The following NCAPD3 variants were observed in gnomAD, a reference collection of about 807,000 sequenced individuals.
NCAPD3 encodes the protein non-SMC condensin II complex subunit D3, also known as condensin-2 complex subunit D3.
A neutral mutation model predicts 182.9 loss-of-function variants in NCAPD3; 105 were observed. That is an observed-to-expected ratio of 0.57 (90% CI 0.49 to 0.68). The LOEUF (loss-of-function observed/expected upper bound fraction) is 0.68, where lower values mean the gene tolerates loss of function less well. Among genes scored for constraint, NCAPD3 ranks in the 30% least tolerant of loss-of-function variants. The pLI, the probability that NCAPD3 is intolerant of heterozygous loss-of-function variation, is 0.00. For missense variants in NCAPD3, 1,944 were observed against 1,837.0 expected, an observed-to-expected ratio of 1.06 and a Z score of -1.07; for synonymous variants, 815 against 679.9, an observed-to-expected ratio of 1.20 and a Z score of -3.09.
At position 134,210,459 on chromosome 11, in the gene NCAPD3, T is replaced by G; in HGVS notation, c.383-5A>C. The G allele has an allele frequency of 6.2e-7, 1 of 1,611,610 alleles. No individual in the cohort carries two copies. ...ATACTTGATTGGCTACACTGCCTAT[T>G]CATGAGGAATAAAGAGTAAGCAAGT... On this transcript the variant is annotated splice_polypyrimidine_tract_variant and splice_region_variant and intron_variant, in intron 3 of 34. Transcript: ENST00000534548.
intron 27 of NCAPD3, among the ~76,000 whole-genome samples, chr11:134,167,594 G>C (rs1005205155): frequency 8.5e-6 from 1 of 117,444 alleles, no homozygotes; most frequent in African/African-American, 3.6e-5. Flanking sequence ...TGGGGGAGGG[G>C]CACACTCACT....
At chr11:134,188,349 T>C (rs1034556658) in intron 16 of NCAPD3, among the ~76,000 whole-genome samples, 8 of 152,142 alleles carry the variant, frequency 5.3e-5, no homozygotes, top group African/African-American at 1.9e-4. Flanking sequence ...CTCTGTAAAA[T>C]GGACCAATTA....
chr11:134,217,888 C>T (rs1002341814), intron 2 of NCAPD3, among the ~76,000 whole-genome samples: 3 of 152,066 alleles, frequency 2.0e-5, no homozygotes, highest in African/African-American at 7.2e-5. Context: ...TGCTTGAGCC[C>T]AGGAGTTTGA....
chr11:134,160,225 C>G (rs1368109910), intron 28 of NCAPD3, 151 bp from the exon 29 acceptor site: 4 of 710,896 alleles, frequency 5.6e-6, no homozygotes, highest in Non-Finnish European at 9.0e-6. Context: ...AAGAAAAAAG[C>G]CCCCCAAGTC....
At chr11:134,157,841 A>G (rs763733277) in intron 31 of NCAPD3, 87 bp downstream of exon 31, 22 of 1,373,400 alleles carry the variant, frequency 1.6e-5, no homozygotes, top group East Asian at 2.3e-5. Context: ...AAGAAAACAC[A>G]CCGCTTTGAA....
At chr11:134,210,981 G>A (rs1937813019) in intron 3 of NCAPD3, among the ~76,000 whole-genome samples, 1 of 152,334 alleles carries the variant, frequency 6.6e-6, no homozygotes, top group East Asian at 1.9e-4. Context: ...AATCGGCCCA[G>A]GGCTGAACAT....
intron 13 of NCAPD3, among the ~76,000 whole-genome samples, chr11:134,199,463 T>G (rs1399889092): frequency 6.6e-6 from 1 of 152,182 alleles, no homozygotes; most frequent in Non-Finnish European, 1.5e-5. Context: ...ATTTTCTGAT[T>G]TTGCAATAAT....
intron 3 of NCAPD3, among the ~76,000 whole-genome samples, chr11:134,211,802 T>C (rs1478562162): frequency 6.6e-6 from 1 of 151,724 alleles, no homozygotes; most frequent in Non-Finnish European, 1.5e-5. Context: ...CAAAGATAAG[T>C]GAACTTGAAG....
chr11:134,186,574 T>A (rs1308921406), intron 16 of NCAPD3, among the ~76,000 whole-genome samples: 1 of 152,232 alleles, frequency 6.6e-6, no homozygotes, highest in Non-Finnish European at 1.5e-5. Flanking sequence ...AATGGGATCA[T>A]ATGATTCATG....
rs139966483 is a variant in NCAPD3 at position 134,176,457 on chromosome 11, C to T, written c.3022-71G>A. The T allele has an allele frequency of 1.6e-3, 2,088 of 1,307,874 alleles. 5 individuals are homozygous for T. The highest frequency in any genetic ancestry group is 2.2e-3 in the Non-Finnish European group (1,950 of 902,752). 81.0% of individuals were successfully genotyped at this position (1,307,874 alleles called of 1,614,324 possible). A position where few individuals can be genotyped will look rare whatever the true frequency, so the allele number is the denominator to read the frequency against. ...CAAGCCTCACTGTTCCCAGCCACAC[C>T]CCACCCACCACGCGGTCTGTCCCCG... On this transcript the variant is annotated intron_variant, in intron 23 of 34. Transcript: ENST00000534548.
chr11:134,219,295 C>CTTGGATTTGTTTTT (rs1938139854), intron 2 of NCAPD3, among the ~76,000 whole-genome samples: 1 of 152,140 alleles, frequency 6.6e-6, no homozygotes, highest in Non-Finnish European at 1.5e-5. Context: ...AAATCCGCAC[C>CTTGGATTTGTTTTT]TCTCTTGGAG....
At chr11:134,188,770 C>T (rs190815747) in intron 16 of NCAPD3, among the ~76,000 whole-genome samples, 177 of 152,262 alleles carry the variant, frequency 1.2e-3, no homozygotes, top group African/African-American at 3.8e-3. Flanking sequence ...ACATGCATCG[C>T]GAAGGTCTGC....
intron 24 of NCAPD3, among the ~76,000 whole-genome samples, chr11:134,172,114 T>C (rs1354546448): frequency 2.0e-5 from 3 of 152,126 alleles, no homozygotes; most frequent in Non-Finnish European, 4.4e-5. Context: ...GCGGAGAGTG[T>C]GGGCTGGCTG....
intron 16 of NCAPD3, among the ~76,000 whole-genome samples, chr11:134,191,630 A>C (rs564544597): frequency 6.6e-6 from 1 of 152,366 alleles, no homozygotes; most frequent in Admixed American, 6.5e-5. Flanking sequence ...GAATTAATAC[A>C]TAGAGCATGC....
At chr11:134,218,938 T>A (rs950798158) in intron 2 of NCAPD3, among the ~76,000 whole-genome samples, 1 of 152,200 alleles carries the variant, frequency 6.6e-6, no homozygotes, top group Non-Finnish European at 1.5e-5. Context: ...TATTGCCCAC[T>A]GTAACCTCTT....
intron 20 of NCAPD3, among the ~76,000 whole-genome samples, chr11:134,180,013 T>A (rs1295671976): frequency 1.3e-5 from 2 of 151,202 alleles, no homozygotes; most frequent in Non-Finnish European, 2.9e-5. Flanking sequence ...ATGACACGGT[T>A]AACAGTTGAA....
At chr11:134,221,407 G>C (rs1474576177) in intron 1 of NCAPD3, among the ~76,000 whole-genome samples, 2 of 150,642 alleles carry the variant, frequency 1.3e-5, no homozygotes, top group Non-Finnish European at 3.0e-5. Flanking sequence ...AAAGTTTTTG[G>C]GTACATGTGC....
rs76742192 is a variant in NCAPD3 at position 134,184,400 on chromosome 11, G to T, written c.2451+237C>A. Among the ~76,000 whole-genome samples the T allele has an allele frequency of 6.1e-3, 930 of 152,322 alleles. 7 individuals carry two copies. The highest frequency in any genetic ancestry group is 0.01 in the Non-Finnish European group (688 of 68,020). On this transcript the variant is annotated intron_variant, in intron 19 of 34. Transcript: ENST00000534548. The stretch of plus-strand genomic sequence containing the variant: ...CAGGAATGCTTACCTAAAGACACTC[G>T]CACCTGCGATCAAGGTGGTGACCAT...
intron 24 of NCAPD3, among the ~76,000 whole-genome samples, chr11:134,171,269 C>T (rs1184080600): frequency 5.3e-5 from 8 of 152,116 alleles, no homozygotes; most frequent in African/African-American, 1.4e-4. Context: ...AAAGGGAAGA[C>T]CAGCTAAATC....
Sources: allele counts gnomAD v4.1 joint callset (sites outside exome capture counted in the v4.1 genomes callset), GRCh38; gene constraint gnomAD v4.1.1; transcripts MANE v1.5; gene names NCBI Gene and HGNC (gene_info 2026-07-23, HGNC 2026-07-21).